THSD7B: variants seen among roughly 807,000 people sequenced by gnomAD.
The protein encoded by THSD7B is thrombospondin type-1 domain-containing protein 7B.
Under a neutral mutation model 213.6 loss-of-function variants are expected in THSD7B, and 138 were observed. The observed-to-expected ratio is 0.65, with a 90% CI of 0.56 to 0.74. The LOEUF (loss-of-function observed/expected upper bound fraction) is 0.74. Ranked by LOEUF, THSD7B falls within the 30% of genes least tolerant of loss-of-function variation. The pLI is 0.00. For missense variants in THSD7B, 1,931 were observed against 1,991.5 expected (o/e 0.97, Z 0.58); for synonymous variants, 742 against 687.0 (o/e 1.08, Z -1.25).
At chr2:137,320,173 T>A (rs1040888297) in intron 12 of THSD7B, among the ~76,000 whole-genome samples, 1 of 152,334 alleles carries the variant, frequency 6.6e-6, no homozygotes, top group East Asian at 1.9e-4. Context: ...AGTTAACTGA[T>A]TAGACTTTTT....
At chr2:136,775,758 T>C (rs1681590393) in intron 1 of THSD7B, among the ~76,000 whole-genome samples, 1 of 152,124 alleles carries the variant, frequency 6.6e-6, no homozygotes, top group South Asian at 2.1e-4. Flanking sequence ...CTATATAAGC[T>C]GCAGAGGTGA....
intron 2 of THSD7B, among the ~76,000 whole-genome samples, chr2:137,052,672 T>C (rs527941795): frequency 3.3e-5 from 5 of 152,314 alleles, no homozygotes; most frequent in South Asian, 2.1e-4. Flanking sequence ...GGACAAGAGA[T>C]GTAAGATTTC....
intron 12 of THSD7B, among the ~76,000 whole-genome samples, chr2:137,398,610 T>C (rs1686262892): frequency 6.6e-6 from 1 of 151,336 alleles, no homozygotes; most frequent in African/African-American, 2.4e-5. Flanking sequence ...GTTACTGCTG[T>C]CTTTTTGTTT....
rs141113063 is a variant in THSD7B at position 137,206,195 on chromosome 2, T to A, written c.1724-24849T>A. On this transcript the variant is annotated intron_variant, in intron 7 of 27. Transcript: ENST00000409968. ...TGCATGTAGTCATCTTACAACTGTG[T>A]CATTTAATTCTTGACACCTCCCTCA... Among the ~76,000 whole-genome samples, 326 of 152,152 alleles carry A rather than the reference T, an allele frequency of 2.1e-3. 1 individual carries two copies. Among genetic ancestry groups the A allele is most frequent in the African/African-American group, 7.4e-3 (309 of 41,544 alleles).
Position 137,056,401 on chromosome 2 carries a change from C to A in THSD7B, c.140-19C>A, listed in dbSNP as rs759027996. The A allele has an allele frequency of 6.3e-7, 1 of 1,590,266 alleles. No individual in the cohort carries two copies. Reference sequence around the variant, plus strand: ...ATGTAATCTCTGAGTAATTAACATCCTTGTTTTTCTGCCTGTAGGTCCGTG... The same window carrying A: ...ATGTAATCTCTGAGTAATTAACATCATTGTTTTTCTGCCTGTAGGTCCGTG... On this transcript the variant is annotated intron_variant, in intron 2 of 27. Coordinates refer to ENST00000409968, the MANE Select transcript of THSD7B (RefSeq NM_001316349.2).
At chr2:136,934,935 G>A (rs916005103) in intron 2 of THSD7B, among the ~76,000 whole-genome samples, 22 of 146,174 alleles carry the variant, frequency 1.5e-4, no homozygotes, top group African/African-American at 4.5e-4. Flanking sequence ...AAGAATTTTA[G>A]CAAATAGACA....
chr2:136,973,802 G>C (rs562634780), intron 2 of THSD7B, among the ~76,000 whole-genome samples: 10 of 152,196 alleles, frequency 6.6e-5, no homozygotes, highest in Admixed American at 6.5e-4. Context: ...GAACTCTGCT[G>C]TTTCGGAGAG....
intron 1 of THSD7B, among the ~76,000 whole-genome samples, chr2:136,785,517 C>T (rs911727391): frequency 1.3e-5 from 2 of 152,202 alleles, no homozygotes; most frequent in African/African-American, 2.4e-5. Flanking sequence ...GAGTGCTCTC[C>T]ACCACTCCTT....
At chr2:136,934,371 A>G (rs1684684635) in intron 2 of THSD7B, among the ~76,000 whole-genome samples, 1 of 152,218 alleles carries the variant, frequency 6.6e-6, no homozygotes, top group Admixed American at 6.5e-5. Context: ...AATGAGAAAC[A>G]TAACAATATA....
intron 1 of THSD7B, among the ~76,000 whole-genome samples, chr2:136,835,536 T>C (rs1465839382): frequency 6.6e-6 from 1 of 152,206 alleles, no homozygotes; most frequent in African/African-American, 2.4e-5. Flanking sequence ...CTCATGCATG[T>C]CAGGAGTAGA....
intron 26 of THSD7B, among the ~76,000 whole-genome samples, chr2:137,667,067 G>T (rs1463961372): frequency 3.3e-5 from 5 of 152,024 alleles, no homozygotes; most frequent in African/African-American, 1.2e-4. Context: ...TCCATGCAAG[G>T]TTGTCTCTTA....
At chr2:137,093,884 T>C (rs537304896) in intron 3 of THSD7B, among the ~76,000 whole-genome samples, 1 of 152,330 alleles carries the variant, frequency 6.6e-6, no homozygotes, top group South Asian at 2.1e-4. Context: ...TAGCATTAGG[T>C]ATATCTCCTA....
At chr2:137,479,927 A>T (rs776783068) in intron 15 of THSD7B, among the ~76,000 whole-genome samples, 12 of 152,138 alleles carry the variant, frequency 7.9e-5, no homozygotes, top group Non-Finnish European at 1.8e-4. Flanking sequence ...TTATGTTAGT[A>T]TCAGGGTCCA....
chr2:137,156,289 C>G (rs1471678029), intron 5 of THSD7B: 1 of 152,158 alleles, frequency 6.6e-6, no homozygotes, highest in East Asian at 1.9e-4. Context: ...GACCCAAGCA[C>G]ATTGATTCAG....
At position 137,215,506 on chromosome 2, in the gene THSD7B, G is replaced by A. The variant is rs529338151; in HGVS notation, c.1724-15538G>A. ...AATGCAAAAAGTAGATGCTGGCCTGGAGAGCTCTGCATGCCCTCAGTCATG... is the reference window on the plus strand; with the variant it reads ...AATGCAAAAAGTAGATGCTGGCCTGAAGAGCTCTGCATGCCCTCAGTCATG... On this transcript the variant is annotated intron_variant, in intron 7 of 27. Transcript: ENST00000409968. Among the ~76,000 whole-genome samples the A allele has an allele frequency of 6.6e-5, 10 of 152,270 alleles. No individual in the cohort carries two copies. In the South Asian group the frequency reaches 2.1e-3, roughly 32 times the overall value.
chr2:137,288,819 C>A (rs1683248055), intron 12 of THSD7B, among the ~76,000 whole-genome samples: 1 of 150,442 alleles, frequency 6.6e-6, no homozygotes, highest in African/African-American at 2.5e-5. Flanking sequence ...ATATTAGAAT[C>A]ATTTGTTTAA....
chr2:136,981,080 A>G (rs982987184), intron 2 of THSD7B, among the ~76,000 whole-genome samples: 2 of 152,000 alleles, frequency 1.3e-5, no homozygotes, highest in African/African-American at 4.8e-5. Context: ...CTCCTGTTTT[A>G]CTTTTATAAA....
At chr2:137,051,730 T>A (rs1687074215) in intron 2 of THSD7B, among the ~76,000 whole-genome samples, 1 of 152,154 alleles carries the variant, frequency 6.6e-6, no homozygotes, top group African/African-American at 2.4e-5. Context: ...AAAGCAAACA[T>A]CTCTTCTTAT....
chr2:136,904,122 C>T (rs1238823398), intron 2 of THSD7B, among the ~76,000 whole-genome samples: 1 of 152,108 alleles, frequency 6.6e-6, no homozygotes, highest in Non-Finnish European at 1.5e-5. Flanking sequence ...AAATGTGTTT[C>T]TCCTTTAATT....
Sources: gnomAD v4.1 joint callset for allele counts (sites outside exome capture counted in the v4.1 genomes callset) on GRCh38, gnomAD v4.1.1 for gene constraint, MANE v1.5 for transcripts, NCBI Gene and HGNC (gene_info 2026-07-23, HGNC 2026-07-21) for gene names.